The following RBFOX1 variants were observed in gnomAD, a reference collection of about 807,000 sequenced individuals.
The protein encoded by RBFOX1 is RNA binding fox-1 homolog 1.
In RBFOX1, 8 loss-of-function variants were observed where a neutral mutation model predicts 57.7. The ratio of observed to expected loss-of-function variants is 0.14; its 90% CI spans 0.08 to 0.25. The LOEUF is 0.25. RBFOX1 is among the 10% of genes least tolerant of loss of function. The pLI, the probability that RBFOX1 is intolerant of heterozygous loss-of-function variation, is 1.00. For synonymous variants in RBFOX1, 326 were observed against 222.4 expected (o/e 1.47, Z -4.15); for missense variants, 611 against 548.5 (o/e 1.11, Z -1.14).
At chr16:7,131,701 C>G (rs1177911206) in intron 4 of RBFOX1, among the ~76,000 whole-genome samples, 2 of 151,872 alleles carry the variant, frequency 1.3e-5, no homozygotes, top group Non-Finnish European at 2.9e-5. Flanking sequence ...AGACAGTAAG[C>G]CAAGCATAAC....
intron 4 of RBFOX1, among the ~76,000 whole-genome samples, chr16:7,243,690 G>T (rs1603440858): frequency 6.6e-6 from 1 of 152,038 alleles, no homozygotes; most frequent in African/African-American, 2.4e-5. Flanking sequence ...TGGGTTACAG[G>T]CGTGCATCAT....
intron 1 of RBFOX1, among the ~76,000 whole-genome samples, chr16:5,389,580 C>T (rs986899864): frequency 2.2e-4 from 34 of 152,160 alleles, no homozygotes; most frequent in African/African-American, 8.0e-4. Flanking sequence ...ATCCTTTGGG[C>T]ATTCCCTTCT....
chr16:6,981,740 C>T (rs994415241), intron 3 of RBFOX1, among the ~76,000 whole-genome samples: 1 of 152,096 alleles, frequency 6.6e-6, no homozygotes, highest in South Asian at 2.1e-4. Context: ...GAAAGACCAG[C>T]CCTCATGATT....
At chr16:5,663,412 C>G (rs2049722851) in intron 3 of RBFOX1, among the ~76,000 whole-genome samples, 1 of 151,452 alleles carries the variant, frequency 6.6e-6, no homozygotes, top group Non-Finnish European at 1.5e-5. Flanking sequence ...ACTATGTTGG[C>G]CAGGCTGTCC....
intron 1 of RBFOX1, among the ~76,000 whole-genome samples, chr16:6,260,338 G>A (rs1276935453): frequency 6.6e-6 from 1 of 152,140 alleles, no homozygotes; most frequent in East Asian, 1.9e-4. Context: ...GTACAGAGAA[G>A]TTTCATGACC....
chr16:6,832,286 G>C (rs896611852), intron 3 of RBFOX1, among the ~76,000 whole-genome samples: 1 of 152,190 alleles, frequency 6.6e-6, no homozygotes, highest in Non-Finnish European at 1.5e-5. Context: ...GCTGACATAT[G>C]TCACATGTCA....
intron 1 of RBFOX1, among the ~76,000 whole-genome samples, chr16:5,381,092 C>T (rs1446834041): frequency 6.6e-6 from 1 of 152,132 alleles, no homozygotes; most frequent in Non-Finnish European, 1.5e-5. Context: ...AATAGATACG[C>T]CACTGGAGAG....
chr16:5,628,235 G>A (rs1004274621), intron 3 of RBFOX1, among the ~76,000 whole-genome samples: 2 of 152,196 alleles, frequency 1.3e-5, no homozygotes, highest in Admixed American at 6.5e-5. Flanking sequence ...GAGGACTTGG[G>A]AGTTGAAAGA....
At chr16:5,871,871 G>C (rs1041444993) in intron 4 of RBFOX1, among the ~76,000 whole-genome samples, 1 of 152,196 alleles carries the variant, frequency 6.6e-6, no homozygotes, top group African/African-American at 2.4e-5. Flanking sequence ...TCATGGCAAA[G>C]CAATCGAACT....
intron 3 of RBFOX1, among the ~76,000 whole-genome samples, chr16:6,752,823 T>C (rs1281311363): frequency 6.6e-6 from 1 of 152,112 alleles, no homozygotes; most frequent in Non-Finnish European, 1.5e-5. Context: ...TCCTATTTTT[T>C]TTTTTTTAGC....
At chr16:5,807,644 G>A (rs2055275326) in intron 3 of RBFOX1, among the ~76,000 whole-genome samples, 1 of 152,180 alleles carries the variant, frequency 6.6e-6, no homozygotes, top group African/African-American at 2.4e-5. Context: ...TTAGAACAGG[G>A]ATCAATTCTG....
At chr16:6,966,007 C>T (rs574884240) in intron 3 of RBFOX1, among the ~76,000 whole-genome samples, 10 of 152,018 alleles carry the variant, frequency 6.6e-5, no homozygotes, top group Non-Finnish European at 1.3e-4. Context: ...CAAAATGGAG[C>T]GTATCATAGA....
Position 7,259,267 on chromosome 16 carries a change from A to G in RBFOX1, c.27+207169A>G, listed in dbSNP as rs567910914. 1.6e-3 allele frequency among the ~76,000 whole-genome samples: 238 copies of G among 152,292 alleles called. 1 individual carries two copies. In the Middle Eastern group the frequency reaches 0.02, roughly 13 times the overall value. On this transcript the variant is annotated intron_variant, in intron 4 of 15. Transcript: ENST00000550418. The stretch of plus-strand genomic sequence containing the variant: ...AGGAAGGAAGGCTTTCGCTAGTAGG[A>G]AAGCAACTGCAAAGAGAGGCTTAAA...
intron 3 of RBFOX1, among the ~76,000 whole-genome samples, chr16:6,905,508 A>T (rs2069630262): frequency 6.6e-6 from 1 of 151,302 alleles, no homozygotes; most frequent in African/African-American, 2.4e-5. Context: ...AGCCAAGCTG[A>T]TGCCACTGCA....
intron 2 of RBFOX1, among the ~76,000 whole-genome samples, chr16:6,526,932 A>G (rs2096588986): frequency 6.6e-6 from 1 of 151,722 alleles, no homozygotes; most frequent in Admixed American, 6.6e-5. Flanking sequence ...AGATATAATC[A>G]CAGAGAGATT....
intron 1 of RBFOX1, among the ~76,000 whole-genome samples, chr16:5,295,996 A>G (rs544428770): frequency 7.2e-5 from 11 of 152,234 alleles, no homozygotes; most frequent in Non-Finnish European, 1.5e-4. Flanking sequence ...ATTTATTATT[A>G]CTACCATTGT....
intron 2 of RBFOX1, among the ~76,000 whole-genome samples, chr16:6,539,358 C>G (rs1370786858): frequency 6.6e-6 from 1 of 152,140 alleles, no homozygotes; most frequent in Non-Finnish European, 1.5e-5. Flanking sequence ...TAAGATAATG[C>G]AGGAAAGCAT....
intron 3 of RBFOX1, among the ~76,000 whole-genome samples, chr16:5,825,376 C>T (rs989917595): frequency 6.6e-6 from 1 of 152,190 alleles, no homozygotes; most frequent in Non-Finnish European, 1.5e-5. Context: ...CCTTCATGCT[C>T]ATTTCCTGTA....
chr16:6,550,913 G>C (rs560845847), intron 2 of RBFOX1, among the ~76,000 whole-genome samples: 1 of 152,036 alleles, frequency 6.6e-6, no homozygotes, highest in Non-Finnish European at 1.5e-5. Flanking sequence ...GTGAATACTC[G>C]GGCAACTCAA....
Sources: gnomAD v4.1 joint callset for allele counts (sites outside exome capture counted in the v4.1 genomes callset) on GRCh38, gnomAD v4.1.1 for gene constraint, MANE v1.5 for transcripts, NCBI Gene and HGNC (gene_info 2026-07-23, HGNC 2026-07-21) for gene names.